FAM227B: variants seen among roughly 807,000 people sequenced by gnomAD.
FAM227B encodes the protein protein FAM227B.
FAM227B carries 88 observed loss-of-function variants against 73.8 expected under a neutral mutation model. The ratio of observed to expected loss-of-function variants is 1.19; its 90% CI spans 1.00 to 1.42. The LOEUF (loss-of-function observed/expected upper bound fraction) is 1.42, where lower values mean the gene tolerates loss of function less well. FAM227B is among the 40% of genes most tolerant of loss of function. The probability of loss-of-function intolerance (pLI) is 0.00; values close to 1 mark genes in which losing one functional copy is unlikely to be tolerated. For synonymous variants in FAM227B, 210 were observed against 190.5 expected, an observed-to-expected ratio of 1.10 and a Z score of -0.84; for missense variants, 632 against 590.9, an observed-to-expected ratio of 1.07 and a Z score of -0.72.
At chr15:49,454,410 G>C (rs2053073681) in intron 11 of FAM227B, among the ~76,000 whole-genome samples, 1 of 151,922 alleles carries the variant, frequency 6.6e-6, no homozygotes, top group African/African-American at 2.4e-5. Context: ...GTAATAATAA[G>C]AGCCAATATT....
At chr15:49,549,528 A>G (rs2072488928) in intron 9 of FAM227B, among the ~76,000 whole-genome samples, 1 of 151,664 alleles carries the variant, frequency 6.6e-6, no homozygotes. Flanking sequence ...AGTGGTGATG[A>G]CTCTTAACGA....
At chr15:49,521,490 G>T (rs1040941065) in intron 10 of FAM227B, among the ~76,000 whole-genome samples, 1 of 152,198 alleles carries the variant, frequency 6.6e-6, no homozygotes, top group Non-Finnish European at 1.5e-5. Flanking sequence ...CATAGCCAAG[G>T]CTTTCCCCAC....
chr15:49,419,311 T>C (rs1180017990), intron 11 of FAM227B, among the ~76,000 whole-genome samples: 1 of 152,202 alleles, frequency 6.6e-6, no homozygotes, highest in East Asian at 1.9e-4. Context: ...GACTCTGTGA[T>C]AGCTTCCCTG....
chr15:49,381,153 T>A (rs1177173409), intron 11 of FAM227B, among the ~76,000 whole-genome samples: 5 of 152,108 alleles, frequency 3.3e-5, no homozygotes, highest in Non-Finnish European at 1.5e-5. Context: ...ACCACAGGGA[T>A]GGTGGTAAGC....
intron 13 of FAM227B, chr15:49,366,095 T>G (rs1037606104): frequency 6.7e-6 from 6 of 898,830 alleles, no homozygotes; most frequent in Non-Finnish European, 1.1e-5. Flanking sequence ...TGCTTTCAAG[T>G]TTTCCAATTC....
At chr15:49,591,045 A>ATTTTTTTTTTTTTTTTTTTTTTTGTT (rs748799826) in intron 3 of FAM227B, among the ~76,000 whole-genome samples, 2 of 72,564 alleles carry the variant, frequency 2.8e-5, no homozygotes, top group Admixed American at 1.8e-4. Flanking sequence ...TTTTTTTTTG[A>ATTTTTTTTTTTTTTTTTTTTTTTGTT]TTTTTTTTTT....
At chr15:49,456,979 T>A (rs373972593) in intron 11 of FAM227B, among the ~76,000 whole-genome samples, 13 of 152,108 alleles carry the variant, frequency 8.5e-5, no homozygotes, top group African/African-American at 3.1e-4. Context: ...AAAAAGTTAG[T>A]CACTTTGCTC....
rs1282254338 is a variant in FAM227B, at chr15:49,510,809, T to C, written c.875-2461A>G. Among the ~76,000 whole-genome samples, 7 of 152,166 alleles carry C rather than the reference T, an allele frequency of 4.6e-5. No homozygotes were observed. In the East Asian group the frequency reaches 1.2e-3, roughly 25 times the overall value. ...AATGCCTTCAGTTCATCTTTACACT[T>C]ACTTGACAAATTGGTTGGGTCTAGG... On this transcript the variant is annotated intron_variant, in intron 10 of 15. Transcript: ENST00000299338.
At chr15:49,541,863 C>G (rs1299265022) in intron 9 of FAM227B, 57 bp from the exon 10 acceptor site, 2 of 1,176,652 alleles carry the variant, frequency 1.7e-6, no homozygotes, top group Non-Finnish European at 2.2e-6. Flanking sequence ...TAATATATGT[C>G]AGCTGCCAAA....
chr15:49,518,557 G>A (rs1194427642), intron 10 of FAM227B, among the ~76,000 whole-genome samples: 1 of 152,102 alleles, frequency 6.6e-6, no homozygotes, highest in East Asian at 1.9e-4. Flanking sequence ...AGGCAAAGGA[G>A]GAGCAAAACT....
Position 49,484,157 on chromosome 15 carries a change from A to G in FAM227B, c.1012+24054T>C, listed in dbSNP as rs1048382468. ...TTATGCAAATATACTACATAAGTATAGCTAATAAACCACATTAGGCCTGCT... is the reference window on the plus strand; with the variant it reads ...TTATGCAAATATACTACATAAGTATGGCTAATAAACCACATTAGGCCTGCT... On this transcript the variant is annotated intron_variant, in intron 11 of 15. Coordinates refer to ENST00000299338, the MANE Select transcript of FAM227B (RefSeq NM_152647.3). Among the ~76,000 whole-genome samples the G allele has an allele frequency of 3.4e-4, 52 of 152,110 alleles. 1 individual carries two copies. The highest frequency in any genetic ancestry group is 3.3e-3 in the Admixed American group (50 of 15,260).
chr15:49,566,931 A>G (rs2074703911), intron 9 of FAM227B, among the ~76,000 whole-genome samples: 1 of 152,222 alleles, frequency 6.6e-6, no homozygotes. Context: ...ACCACAAGTG[A>G]GAACATTTGG....
chr15:49,610,338 A>C (rs902250911), intron 3 of FAM227B, among the ~76,000 whole-genome samples: 1 of 150,678 alleles, frequency 6.6e-6, no homozygotes, highest in Non-Finnish European at 1.5e-5. Flanking sequence ...CAACATACTT[A>C]GATACACCAT....
intron 15 of FAM227B, chr15:49,331,050 A>G (rs2038634242): frequency 6.6e-6 from 1 of 152,238 alleles, no homozygotes; most frequent in African/African-American, 2.4e-5. Context: ...CACTCTTTCT[A>G]TCACTTTTCT....
Position 49,508,455 on chromosome 15 carries a change from A to G in FAM227B, c.875-107T>C, listed in dbSNP as rs1332285980. The G allele has an allele frequency of 1.2e-5, 12 of 1,033,272 alleles. No individual in the cohort carries two copies. In the African/African-American group the frequency reaches 1.8e-4, roughly 16 times the overall value. The allele number at this position is 1,033,272 out of a possible 1,614,324, so 64.0% of individuals were successfully genotyped here. A position where few individuals can be genotyped will look rare whatever the true frequency, so the allele number is the denominator to read the frequency against. ...AATTATACATTTCATCCTCACAACA[A>G]AAAAGTTCCTTTTTTGTTCCTTTTA... On this transcript the variant is annotated intron_variant, in intron 10 of 15. Coordinates refer to ENST00000299338, the MANE Select transcript of FAM227B (RefSeq NM_152647.3).
chr15:49,450,961 C>T (rs1212149651), intron 11 of FAM227B, among the ~76,000 whole-genome samples: 1 of 152,034 alleles, frequency 6.6e-6, no homozygotes, highest in East Asian at 1.9e-4. Context: ...AATGCTCCTT[C>T]CCCCAAAAAT....
At chr15:49,429,996 G>T (rs2050453747) in intron 11 of FAM227B, among the ~76,000 whole-genome samples, 1 of 151,908 alleles carries the variant, frequency 6.6e-6, no homozygotes, top group Admixed American at 6.6e-5. Context: ...TTCAGACCCT[G>T]TAGAGGGATT....
At chr15:49,335,994 T>C (rs532660532) in intron 13 of FAM227B, among the ~76,000 whole-genome samples, 1 of 152,150 alleles carries the variant, frequency 6.6e-6, no homozygotes, top group African/African-American at 2.4e-5. Context: ...GTAGACAGTT[T>C]CTCGCTATCT....
rs952931742 is a variant in FAM227B, at chr15:49,365,257, G to A, written c.1271+2191C>T. ...CCTTACATTTCCAGGCAACAACTGA[G>A]GCAATAATAAGTGTGCAAGTTACTA... is the stretch of plus-strand genomic sequence containing the variant. On this transcript the variant is annotated intron_variant, in intron 13 of 15. Coordinates refer to ENST00000299338, the MANE Select transcript of FAM227B (RefSeq NM_152647.3). 4.2e-6 allele frequency: 5 copies of A among 1,200,366 alleles called. No homozygotes were observed. In the African/African-American group the frequency reaches 4.5e-5, roughly 11 times the overall value. 74.4% of individuals were successfully genotyped at this position (1,200,366 alleles called of 1,614,324 possible). A position where few individuals can be genotyped will look rare whatever the true frequency, so the allele number is the denominator to read the frequency against.
Sources: gnomAD v4.1 joint callset for allele counts (sites outside exome capture counted in the v4.1 genomes callset) on GRCh38, gnomAD v4.1.1 for gene constraint, MANE v1.5 for transcripts, NCBI Gene and HGNC (gene_info 2026-07-23, HGNC 2026-07-21) for gene names.